The following PMPCB variants were observed in gnomAD, a reference collection of about 807,000 sequenced individuals.
PMPCB encodes the protein mitochondrial-processing peptidase subunit beta.
Under a neutral mutation model 61.5 loss-of-function variants are expected in PMPCB, and 46 were observed. The observed-to-expected ratio is 0.75, with a 90% CI of 0.59 to 0.96. The LOEUF is 0.96. Ranked by LOEUF, PMPCB falls within the 40% of genes least tolerant of loss-of-function variation. PMPCB has a pLI of 0.00. For synonymous variants in PMPCB, 191 were observed against 201.6 expected, an observed-to-expected ratio of 0.95 and a Z score of 0.44; for missense variants, 590 against 602.4, an observed-to-expected ratio of 0.98 and a Z score of 0.22.
the PMPCB span, chr7:103,344,525 GGTGAGAA>G: frequency 6.2e-7 from 1 of 1,612,234 alleles, no homozygotes; most frequent in Non-Finnish European, 8.5e-7. Context: ...GGGCAGCTGA[GGTGAGAA>G]GGAACCGAGG....
chr7:103,314,397 A>G lies in PMPCB; in HGVS notation c.*2126A>G. 1.0e-6 allele frequency: 1 copy of G among 985,418 alleles called. No homozygotes were observed. Among genetic ancestry groups the G allele is most frequent in the Non-Finnish European group, 1.2e-6 (1 of 829,924 alleles). 61.0% of individuals were successfully genotyped at this position (985,418 alleles called of 1,614,324 possible). On this transcript the variant is annotated 3_prime_UTR_variant, in exon 13 of 13. Transcript: ENST00000249269. ...AGGAGCCTTCCCATTTCCATAAAAGAGGCAAAGGAGTCATACCCACATAGC... is the reference window on the plus strand; with the variant it reads ...AGGAGCCTTCCCATTTCCATAAAAGGGGCAAAGGAGTCATACCCACATAGC...
At chr7:103,309,383 T>C (rs1817676642) in intron 8 of PMPCB, 1 of 208,764 alleles carries the variant, frequency 4.8e-6, no homozygotes, top group Non-Finnish European at 9.5e-6. Context: ...AGGCCCTCTA[T>C]ATCTGTGGGT....
Position 103,312,079 on chromosome 7 carries a change from A to G in PMPCB, c.1353A>G (p.Arg451=), listed in dbSNP as rs765748004. 7 of 1,613,834 alleles carry G rather than the reference A, an allele frequency of 4.3e-6. No homozygotes were observed. The highest frequency in any genetic ancestry group is 5.9e-6 in the Non-Finnish European group (7 of 1,179,938). ...AGGCTGTGAATGCTGAGACAATTCG[A>G]GAAGTATGTACCAAATACATTTATA... The part of the protein sequence containing the change: ...RIDAVNAETI[R]EVCTKYIYNR... The change falls in exon 12 of 13, where the codon CGA becomes CGG. Residue 451 remains arginine (R), a synonymous_variant. Coordinates refer to ENST00000249269, the MANE Select transcript of PMPCB (RefSeq NM_004279.3).
At chr7:103,343,064 A>G in the PMPCB span, among the ~76,000 whole-genome samples, 1 of 151,694 alleles carries the variant, frequency 6.6e-6, no homozygotes, top group Non-Finnish European at 1.5e-5. Context: ...CAATAGCGCA[A>G]TCTCGGCTCA....
chr7:103,300,332 A>G, intron 4 of PMPCB, 25 bp downstream of exon 4: 4 of 1,537,812 alleles, frequency 2.6e-6, no homozygotes, highest in Middle Eastern at 1.7e-4. Context: ...TATACAGCAG[A>G]TAATGTAATT....
chr7:103,342,707 C>G, the PMPCB span, among the ~76,000 whole-genome samples: 2 of 151,394 alleles, frequency 1.3e-5, no homozygotes, highest in South Asian at 4.2e-4. Flanking sequence ...CTCCCGGGTT[C>G]AAGCGATTCT....
the PMPCB span, among the ~76,000 whole-genome samples, chr7:103,338,516 C>T: frequency 1.2e-4 from 18 of 151,368 alleles, 1 homozygote; most frequent in South Asian, 1.9e-3. Context: ...AGGCTGGTCT[C>T]GAACTCCTGA....
chr7:103,319,732 TC>T lies in PMPCB; in HGVS notation c.*1431+7602del, dbSNP rs1218186701. 4 of 1,613,974 alleles carry T rather than the reference TC, an allele frequency of 2.5e-6. No individual in the cohort carries two copies. In the Admixed American group the frequency reaches 6.7e-5, roughly 27 times the overall value. ...TTTATCCTAAGCTCAAGTGAAGACT[TC>T]AATAGCAGTTCCATAGGTATACCTT... On this transcript the variant is annotated intron_variant and NMD_transcript_variant, in intron 12 of 12. Coordinates refer to the PMPCB transcript ENST00000444457.
At chr7:103,310,860 AT>A (rs1178586561) in intron 9 of PMPCB, 2 of 154,432 alleles carry the variant, frequency 1.3e-5, no homozygotes, top group Non-Finnish European at 2.9e-5. Flanking sequence ...AATTTTTTGT[AT>A]TTTTTAGTAG....
chr7:103,307,486 T>G (rs537817819), intron 6 of PMPCB, 110 bp from the exon 7 acceptor site: 1 of 637,460 alleles, frequency 1.6e-6, no homozygotes, highest in African/African-American at 1.8e-5. Flanking sequence ...TAATGGCTTT[T>G]AGTGAGTGTA....
downstream of PMPCB, chr7:103,315,806 C>T (rs745702727): frequency 6.2e-6 from 10 of 1,613,634 alleles, no homozygotes; most frequent in Non-Finnish European, 8.5e-6. Flanking sequence ...GCTTGAGGTA[C>T]CACTCCATGT....
chr7:103,334,918 C>G, the PMPCB span, among the ~76,000 whole-genome samples: 4 of 152,216 alleles, frequency 2.6e-5, no homozygotes, highest in South Asian at 2.1e-4. Flanking sequence ...GCTGCAACCT[C>G]TGCCTCCCAG....
chr7:103,345,560 AACTT>A, the PMPCB span, among the ~76,000 whole-genome samples: 1 of 151,578 alleles, frequency 6.6e-6, no homozygotes, highest in Non-Finnish European at 1.5e-5. Flanking sequence ...ATTAGAAAAT[AACTT>A]ACTAATTTCA....
At chr7:103,304,587 C>A in intron 6 of PMPCB, 97 bp downstream of exon 6, 1 of 798,892 alleles carries the variant, frequency 1.3e-6, no homozygotes, top group Non-Finnish European at 2.2e-6. Context: ...TAAGAATTTT[C>A]ATTTACATAG....
At chr7:103,337,254 C>G in the PMPCB span, 1 of 153,480 alleles carries the variant, frequency 6.5e-6, no homozygotes, top group African/African-American at 2.4e-5. Flanking sequence ...TACCCTCTCC[C>G]ATGCCAAATT....
chr7:103,320,364 G>A (rs1197952233), intron 12 of PMPCB, among the ~76,000 whole-genome samples: 1 of 152,038 alleles, frequency 6.6e-6, no homozygotes, highest in African/African-American at 2.4e-5. Flanking sequence ...CTGGTTACAG[G>A]TGTGAGCCAC....
chr7:103,345,032 A>G, the PMPCB span: 54 of 364,868 alleles, frequency 1.5e-4, no homozygotes, highest in African/African-American at 1.1e-3. Context: ...ATTAATCTGA[A>G]CCTAATCAGT....
intron 12 of PMPCB, chr7:103,327,877 T>C (rs993120081): frequency 1.4e-5 from 8 of 586,554 alleles, no homozygotes; most frequent in African/African-American, 1.3e-4. Context: ...CACAGTAAAA[T>C]ATATGCTTAT....
At chr7:103,337,086 ATCACCT>A in the PMPCB span, 1 of 152,218 alleles carries the variant, frequency 6.6e-6, no homozygotes, top group Non-Finnish European at 1.5e-5. Context: ...TAGAAAACTG[ATCACCT>A]TCACCTCTTA....
Sources: gnomAD v4.1 joint callset for allele counts (sites outside exome capture counted in the v4.1 genomes callset) on GRCh38, gnomAD v4.1.1 for gene constraint, MANE v1.5 for transcripts, NCBI Gene and HGNC (gene_info 2026-07-23, HGNC 2026-07-21) for gene names.